ADAM11: variants seen among roughly 807,000 people sequenced by gnomAD.
ADAM11 encodes the protein disintegrin and metalloproteinase domain-containing protein 11.
Under a neutral mutation model 119.1 loss-of-function variants are expected in ADAM11, and 49 were observed. That is an observed-to-expected ratio of 0.41 (90% CI 0.33 to 0.52). ADAM11 has a LOEUF of 0.52. ADAM11 is among the 20% of genes least tolerant of loss of function. The probability of loss-of-function intolerance (pLI) is 0.20; values close to 1 mark genes in which losing one functional copy is unlikely to be tolerated. For synonymous variants in ADAM11, 364 were observed against 408.0 expected, an observed-to-expected ratio of 0.89 and a Z score of 1.30; for missense variants, 777 against 1,047.5, an observed-to-expected ratio of 0.74 and a Z score of 3.56.
Position 44,772,847 on chromosome 17 carries a change from C to T in ADAM11, c.679-10C>T, listed in dbSNP as rs1034093827. 4 of 1,613,088 alleles carry T rather than the reference C, an allele frequency of 2.5e-6. No homozygotes were observed. In the South Asian group the frequency reaches 4.4e-5, roughly 18 times the overall value. On this transcript the variant is annotated splice_polypyrimidine_tract_variant and intron_variant, in intron 8 of 26. Coordinates refer to ENST00000200557, the MANE Select transcript of ADAM11 (RefSeq NM_002390.6). The surrounding 1 kb of genome is among the most constrained non-coding windows in gnomAD (Gnocchi z 4.5). ...AAGGGACTGATTCCAAGTGCCCACCCACCCCCCAGGTCCGCCGGGGCCACC... is the reference window on the plus strand; with the variant it reads ...AAGGGACTGATTCCAAGTGCCCACCTACCCCCCAGGTCCGCCGGGGCCACC...
chr17:44,759,606 T>C (rs2049364256), intron 1 of ADAM11, 116 bp from the exon 2 acceptor site: 9 of 1,305,254 alleles, frequency 6.9e-6, no homozygotes, highest in Admixed American at 3.1e-5. Flanking sequence ...CCCACCCGGA[T>C]CGCCCTAGGG....
At chr17:44,771,037 C>T (rs1372668286) in intron 4 of ADAM11, among the ~76,000 whole-genome samples, 1 of 151,716 alleles carries the variant, frequency 6.6e-6, no homozygotes, top group Non-Finnish European at 1.5e-5. Context: ...TTGTTTGAAC[C>T]CGGGAGGCGG....
At position 44,781,400 on chromosome 17, in the gene ADAM11, C is replaced by T. The variant is rs1265250557; in HGVS notation, c.*1646C>T. ...AGTGGAGGGGCCCCTCCGGCCAGCT[C>T]TGCTCCACCAGCCCTGCAAGCTGAT... On this transcript the variant is annotated 3_prime_UTR_variant, in exon 27 of 27. Coordinates refer to ENST00000200557, the MANE Select transcript of ADAM11 (RefSeq NM_002390.6). 1 of 152,216 alleles carries T rather than the reference C, an allele frequency of 6.6e-6. No homozygotes were observed. Among genetic ancestry groups the T allele is most frequent in the African/African-American group, 2.4e-5 (1 of 41,444 alleles). The allele number at this position is 152,216 out of a possible 1,614,324, so 9.4% of individuals were successfully genotyped here.
chr17:44,773,536 G>A lies in ADAM11; in HGVS notation c.992+109G>A. Reference sequence around the variant, plus strand: ...CTGCTCCTCTCAGAGTCTGGGGACTGGGCTCACCTTGCACCTGCCACCTAC... The same window carrying A: ...CTGCTCCTCTCAGAGTCTGGGGACTAGGCTCACCTTGCACCTGCCACCTAC... On this transcript the variant is annotated intron_variant, in intron 11 of 26. Coordinates refer to ENST00000200557, the MANE Select transcript of ADAM11 (RefSeq NM_002390.6). This position sits in a 1 kb window ranked among gnomAD's most constrained non-coding sequence, Gnocchi z 4.6. 1.5e-6 allele frequency: 2 copies of A among 1,378,374 alleles called. No homozygotes were observed. The highest frequency in any genetic ancestry group is 1.9e-6 in the Non-Finnish European group (2 of 1,029,732). The allele number at this position is 1,378,374 out of a possible 1,614,324, so 85.4% of individuals were successfully genotyped here.
intron 25 of ADAM11, among the ~76,000 whole-genome samples, chr17:44,778,938 T>C (rs2145249689): frequency 6.6e-6 from 1 of 152,150 alleles, no homozygotes. Flanking sequence ...GTGTCTAAGT[T>C]TGGGGTCCTT....
At chr17:44,761,024 T>TGGGGGTGGGGTG (rs922882308) in intron 2 of ADAM11, among the ~76,000 whole-genome samples, 4 of 8,166 alleles carry the variant, frequency 4.9e-4, no homozygotes, top group African/African-American at 2.3e-3. Flanking sequence ...CCGCAGTCAC[T>TGGGGGTGGGGTG]GGGGGTGGGG....
intron 26 of ADAM11, 93 bp from the exon 27 acceptor site, chr17:44,779,646 C>T: frequency 6.6e-7 from 1 of 1,514,742 alleles, no homozygotes; most frequent in South Asian, 1.3e-5. Context: ...CCGCCTGCCT[C>T]CAGGGCCCAG....
chr17:44,772,906 T>C lies in ADAM11; in HGVS notation c.728T>C (p.Leu243Pro). ...TVHSETKYVE[L>P]IVINDHQLFE... ...CACAGTGAAACCAAGTATGTGGAGC[T>C]AATTGTGATCAACGACCACCAGCTG... Residue 243 changes from leucine (L) to proline (P), a missense_variant, in exon 9 of 27, where the codon CTA becomes CCA. This residue lies in a region of ADAM11 where 147 missense variants were observed against 223.3 expected (regional missense o/e 0.66). Transcript: ENST00000200557. The surrounding 1 kb of genome is among the most constrained non-coding windows in gnomAD (Gnocchi z 4.5). 1 of 1,614,042 alleles carries C rather than the reference T, an allele frequency of 6.2e-7. No individual in the cohort carries two copies. Among genetic ancestry groups the C allele is most frequent in the Non-Finnish European group, 8.5e-7 (1 of 1,179,996 alleles).
chr17:44,765,488 C>T (rs2049436865), intron 2 of ADAM11, among the ~76,000 whole-genome samples: 3 of 152,132 alleles, frequency 2.0e-5, no homozygotes, highest in Admixed American at 6.5e-5. Context: ...TCCTCAAAGC[C>T]CTGTTCAGCT....
Position 44,776,618 on chromosome 17 carries a change from G to T in ADAM11, c.1567-127G>T. The T allele has an allele frequency of 8.3e-7, 1 of 1,197,648 alleles. No homozygotes were observed. Among genetic ancestry groups the T allele is most frequent in the Non-Finnish European group, 1.2e-6 (1 of 855,892 alleles). 74.2% of individuals were successfully genotyped at this position (1,197,648 alleles called of 1,614,324 possible). The stretch of plus-strand genomic sequence containing the variant: ...AGAACCAGACAGATCGCTTGTCCTA[G>T]GCGTGGAAGAGCCCTGTGGCATGAG... On this transcript the variant is annotated intron_variant, in intron 18 of 26. Coordinates refer to ENST00000200557, the MANE Select transcript of ADAM11 (RefSeq NM_002390.6). The surrounding 1 kb of genome is among the most constrained non-coding windows in gnomAD (Gnocchi z 5.2).
At position 44,773,365 on chromosome 17, in the gene ADAM11, C is replaced by T. The variant is rs765958677; in HGVS notation, c.930C>T (p.Ala310=). 33 of 1,613,910 alleles carry T rather than the reference C, an allele frequency of 2.0e-5. No individual in the cohort carries two copies. Among genetic ancestry groups the T allele is most frequent in the Non-Finnish European group, 2.7e-5 (32 of 1,180,012 alleles). The change falls in exon 11 of 27, where the codon GCC becomes GCT. Residue 310 remains alanine (A), a synonymous_variant. Coordinates refer to ENST00000200557, the MANE Select transcript of ADAM11 (RefSeq NM_002390.6). The surrounding 1 kb of genome is among the most constrained non-coding windows in gnomAD (Gnocchi z 4.6). ...QVQDDLLETL[A]RLMVYRREGL... is the part of the protein sequence containing the mutation. The stretch of plus-strand genomic sequence containing the variant: ...AGGATGACCTCCTGGAGACCCTGGC[C>T]CGGCTCATGGTCTACCGACGGGAGG...
chr17:44,772,409 T>A lies in ADAM11; in HGVS notation c.621T>A (p.Phe207Leu), dbSNP rs2145227350. Reference sequence around the variant, plus strand: ...TGCCCCTCCCCACAGGCTGCCTGTTTGCTGTGCCTGCCCAGTCGGCTCCTC... The same window carrying A: ...TGCCCCTCCCCACAGGCTGCCTGTTAGCTGTGCCTGCCCAGTCGGCTCCTC... ...PLGCREPGCL[F>L]AVPAQSAPPN... Residue 207 changes from phenylalanine (F) to leucine (L), a missense_variant, in exon 8 of 27, where the codon TTT (phenylalanine) becomes TTA (leucine). Transcript: ENST00000200557. The surrounding 1 kb of genome is among the most constrained non-coding windows in gnomAD (Gnocchi z 4.5). The A allele has an allele frequency of 6.3e-7, 1 of 1,578,784 alleles. No homozygotes were observed. Among genetic ancestry groups the A allele is most frequent in the South Asian group, 1.1e-5 (1 of 86,976 alleles).
intron 25 of ADAM11, among the ~76,000 whole-genome samples, chr17:44,778,581 A>G (rs1213941655): frequency 1.3e-5 from 2 of 150,008 alleles, no homozygotes. Flanking sequence ...AATCCCAGCT[A>G]CTTGCGAGGC....
chr17:44,775,667 C>G lies in ADAM11; in HGVS notation c.1476C>G (p.Arg492=). The G allele has an allele frequency of 6.3e-7, 1 of 1,585,294 alleles. No homozygotes were observed. Residue 492 remains arginine, a synonymous_variant, in exon 17 of 27, where the codon CGC becomes CGG. Coordinates refer to ENST00000200557, the MANE Select transcript of ADAM11 (RefSeq NM_002390.6). This position sits in a 1 kb window ranked among gnomAD's most constrained non-coding sequence, Gnocchi z 7.5. ...DAMCSDGLCC[R]RCKYEPRGVS... ...TGTGCAGCGACGGGCTCTGCTGTCG[C>G]CGCTGCAAGGTAAGCAGGACCGGCC...
chr17:44,772,892 C>A lies in ADAM11; in HGVS notation c.714C>A (p.Thr238=), dbSNP rs1473428255. 9 of 1,614,000 alleles carry A rather than the reference C, an allele frequency of 5.6e-6. No homozygotes were observed. The highest frequency in any genetic ancestry group is 5.1e-6 in the Non-Finnish European group (6 of 1,180,034). Residue 238 remains threonine (T), a synonymous_variant, in exon 9 of 27, where the codon ACC becomes ACA. Transcript: ENST00000200557. This position sits in a 1 kb window ranked among gnomAD's most constrained non-coding sequence, Gnocchi z 4.5. ...GCCACCCTACAGTGCACAGTGAAAC[C>A]AAGTATGTGGAGCTAATTGTGATCA... ...RRGHPTVHSE[T]KYVELIVIND... is the part of the protein sequence containing the mutation.
chr17:44,779,761 C>A lies in ADAM11; in HGVS notation c.*7C>A, dbSNP rs199547217. ...CAGGTCCGGAGGGGCCTAAGTGCCA[C>A]CCTCCTCCCTCCAAGCCTGGCACCC... On this transcript the variant is annotated 3_prime_UTR_variant, in exon 27 of 27. Coordinates refer to ENST00000200557, the MANE Select transcript of ADAM11 (RefSeq NM_002390.6). The A allele has an allele frequency of 8.4e-5, 135 of 1,609,900 alleles. 1 individual carries two copies. The Middle Eastern group carries it at 2.8e-3, about 34-fold the overall frequency.
Position 44,776,950 on chromosome 17 carries a change from C to A in ADAM11, c.1669C>A (p.Leu557Ile), listed in dbSNP as rs1415458903. The change falls in exon 20 of 27, where the codon CTT becomes ATT. Residue 557 changes from leucine to isoleucine, a missense_variant. Physicochemically the swap from Leu to Ile is conservative, Grantham distance 5. Transcript: ENST00000200557. This position sits in a 1 kb window ranked among gnomAD's most constrained non-coding sequence, Gnocchi z 5.2. ...CKTRDRQCQV[L>I]WGHAAADRFC... Reference sequence around the variant, plus strand: ...AACCCGGGACCGGCAGTGCCAGGTTCTTTGGGGCCATGGTGAGTCTGGCTA... The same window carrying A: ...AACCCGGGACCGGCAGTGCCAGGTTATTTGGGGCCATGGTGAGTCTGGCTA... 3.7e-6 allele frequency: 6 copies of A among 1,612,658 alleles called. No homozygotes were observed. Among genetic ancestry groups the A allele is most frequent in the East Asian group, 2.2e-5 (1 of 44,822 alleles).
In ADAM11 at chr17:44,759,230, G is replaced by A; in HGVS notation, c.31G>A (p.Ala11Thr). Residue 11 changes from alanine (A) to threonine (T), a missense_variant, in exon 1 of 27, where the codon GCT (alanine) becomes ACT (threonine). Physicochemically the swap from Ala to Thr is moderately conservative, Grantham distance 58 (BLOSUM62 0). Transcript: ENST00000200557. MRLLRRWAFA[A>T]LLLSLLPTPG... is the part of the protein sequence containing the mutation. ...GCTGCTGCGGCGCTGGGCGTTCGCG[G>A]CTCTGCTGCTGTCGCTGCTCCCCAC... The A allele has an allele frequency of 1.4e-6, 2 of 1,439,888 alleles. No homozygotes were observed. The highest frequency in any genetic ancestry group is 2.7e-5 in the South Asian group (2 of 73,628). The allele number at this position is 1,439,888 out of a possible 1,614,324, so 89.2% of individuals were successfully genotyped here.
chr17:44,759,427 G>A (rs1365428577), intron 1 of ADAM11, 167 bp downstream of exon 1: 5 of 1,250,398 alleles, frequency 4.0e-6, no homozygotes, highest in Non-Finnish European at 3.0e-6. Context: ...CCACCCACCT[G>A]TCCCCAGCTG....
Sources: allele counts gnomAD v4.1 joint callset (sites outside exome capture counted in the v4.1 genomes callset), GRCh38; gene constraint gnomAD v4.1.1; regional missense constraint gnomAD v4.1.1; non-coding constraint Gnocchi (gnomAD v3.1); transcripts MANE v1.5; gene names NCBI Gene and HGNC (gene_info 2026-07-23, HGNC 2026-07-21).